The following YJU2B variants were observed in gnomAD, a reference collection of about 807,000 sequenced individuals.
YJU2B encodes probable splicing factor YJU2B.
A neutral mutation model predicts 38.0 loss-of-function variants in YJU2B; 18 were observed. The observed-to-expected ratio is 0.47, with a 90% CI of 0.33 to 0.70. The LOEUF (loss-of-function observed/expected upper bound fraction) is 0.70, where lower values mean the gene tolerates loss of function less well. YJU2B is among the 30% of genes least tolerant of loss of function. The pLI is 0.02. For synonymous variants in YJU2B, 246 were observed against 225.4 expected, an observed-to-expected ratio of 1.09 and a Z score of -0.82; for missense variants, 538 against 556.3, an observed-to-expected ratio of 0.97 and a Z score of 0.33.
At chr19:13,759,318 C>A in intron 8 of YJU2B, 46 bp downstream of exon 8, 1 of 1,501,668 alleles carries the variant, frequency 6.7e-7, no homozygotes, top group Non-Finnish European at 9.0e-7. Context: ...CATGGTGGAC[C>A]AAGGCCCGGG....
rs1234323969 is a variant in YJU2B, at chr19:13,750,731, G to A, written c.-201-877G>A. ...AAAAAAATTAGCCAGGCTTGGTGGCGGGTACCTGTAATCCCAGCTACTCAG... is the reference window on the plus strand; with the variant it reads ...AAAAAAATTAGCCAGGCTTGGTGGCAGGTACCTGTAATCCCAGCTACTCAG... On this transcript the variant is annotated intron_variant, in intron 1 of 9. Transcript: ENST00000221554. 4.6e-5 allele frequency among the ~76,000 whole-genome samples: 7 copies of A among 151,756 alleles called. 1 individual carries two copies. The highest frequency in any genetic ancestry group is 2.1e-4 in the South Asian group (1 of 4,822).
At chr19:13,739,240 G>A (rs949208638) in intron 2 of YJU2B, among the ~76,000 whole-genome samples, 4 of 151,844 alleles carry the variant, frequency 2.6e-5, no homozygotes, top group African/African-American at 9.7e-5. Flanking sequence ...CAAACACCTG[G>A]GCTCAAGCAA....
chr19:13,737,971 T>C, intron 2 of YJU2B, among the ~76,000 whole-genome samples: 1 of 152,124 alleles, frequency 6.6e-6, no homozygotes, highest in Non-Finnish European at 1.5e-5. Flanking sequence ...ATCAGAATGA[T>C]CACTCTTCTG....
upstream of YJU2B, among the ~76,000 whole-genome samples, chr19:13,747,498 C>CT (rs1458670518): frequency 6.6e-6 from 1 of 152,192 alleles, no homozygotes; most frequent in Non-Finnish European, 1.5e-5. Flanking sequence ...GAGACGGAGT[C>CT]TTGCTGTTGT....
At chr19:13,744,413 G>A (rs1973176267), upstream of YJU2B, among the ~76,000 whole-genome samples, 1 of 152,132 alleles carries the variant, frequency 6.6e-6, no homozygotes, top group Non-Finnish European at 1.5e-5. Context: ...ACAATTCAGG[G>A]ACATATGTTA....
At chr19:13,751,295 G>T (rs535936816) in intron 1 of YJU2B, among the ~76,000 whole-genome samples, 3 of 152,018 alleles carry the variant, frequency 2.0e-5, no homozygotes, top group Non-Finnish European at 2.9e-5. Flanking sequence ...CACGCTTGTA[G>T]TCCCAGCTAC....
At chr19:13,750,234 G>GT (rs761453698) in intron 1 of YJU2B, among the ~76,000 whole-genome samples, 111 of 151,328 alleles carry the variant, frequency 7.3e-4, no homozygotes, top group Non-Finnish European at 9.3e-4. Flanking sequence ...GGTTTTTTTT[G>GT]TTTGTTTGTT....
chr19:13,748,672 G>A (rs1188662951), intron 1 of YJU2B, among the ~76,000 whole-genome samples: 2 of 152,114 alleles, frequency 1.3e-5, no homozygotes, highest in African/African-American at 2.4e-5. Flanking sequence ...CAGTCTTGTC[G>A]TCGTCATTCG....
rs932251989 is a variant in YJU2B, at chr19:13,756,372, G to A, written c.140+93G>A. ...GTGCCCTCATTGGCCCAGTGCTGCA[G>A]GGTCTTCATTCCATAAAGCAGAAAG... On this transcript the variant is annotated intron_variant, in intron 4 of 9. Coordinates refer to ENST00000221554, the MANE Select transcript of YJU2B (RefSeq NM_030818.4). 4.2e-6 allele frequency: 4 copies of A among 943,698 alleles called. No individual in the cohort carries two copies. In the Admixed American group the frequency reaches 7.3e-5, roughly 17 times the overall value. The allele number at this position is 943,698 out of a possible 1,614,324, so 58.5% of individuals were successfully genotyped here.
upstream of YJU2B, among the ~76,000 whole-genome samples, chr19:13,747,613 G>A (rs1973288851): frequency 2.0e-5 from 3 of 152,278 alleles, no homozygotes; most frequent in Non-Finnish European, 4.4e-5. Context: ...TGGGACTACA[G>A]GGGCCCGCCA....
At chr19:13,733,783 A>G (rs970275003) in intron 2 of YJU2B, among the ~76,000 whole-genome samples, 1 of 152,188 alleles carries the variant, frequency 6.6e-6, no homozygotes, top group Non-Finnish European at 1.5e-5. Flanking sequence ...ATTTGTCACA[A>G]CCAAAAATGT....
intron 2 of YJU2B, among the ~76,000 whole-genome samples, chr19:13,740,385 G>T (rs374300): frequency 6.6e-6 from 1 of 151,556 alleles, no homozygotes; most frequent in Non-Finnish European, 1.5e-5. Context: ...CTAATTTTTT[G>T]TTTTTTGTAG....
intron 2 of YJU2B, among the ~76,000 whole-genome samples, chr19:13,737,263 G>A (rs1972975478): frequency 6.6e-6 from 1 of 152,016 alleles, no homozygotes; most frequent in African/African-American, 2.4e-5. Flanking sequence ...GGGCTCAAGG[G>A]ATCCTCCCAC....
upstream of YJU2B, among the ~76,000 whole-genome samples, chr19:13,743,401 G>A (rs544289522): frequency 6.6e-5 from 10 of 150,856 alleles, no homozygotes; most frequent in South Asian, 4.2e-4. Context: ...CCAACATGAC[G>A]AAGCCCTGTC....
At chr19:13,744,660 C>T (rs1973181244), upstream of YJU2B, among the ~76,000 whole-genome samples, 1 of 152,174 alleles carries the variant, frequency 6.6e-6, no homozygotes, top group Non-Finnish European at 1.5e-5. Flanking sequence ...CTGACCCTCA[C>T]TCCAGCCCAT....
At chr19:13,749,094 C>T (rs1352345385) in intron 1 of YJU2B, among the ~76,000 whole-genome samples, 9 of 152,200 alleles carry the variant, frequency 5.9e-5, no homozygotes, top group Admixed American at 6.5e-5. Context: ...ACCTCCGCCT[C>T]CCAGATTCAA....
rs1335005743 is a variant in YJU2B, at chr19:13,757,430, A to G, written c.153A>G (p.Pro51=). The G allele has an allele frequency of 3.7e-6, 6 of 1,613,932 alleles. No homozygotes were observed. Among genetic ancestry groups the G allele is most frequent in the African/African-American group, 2.7e-5 (2 of 74,926 alleles). ...TCTGTCTTTGCAGATTCGAAATGCC[A>G]TATAACATCTGGTGCGATGGCTGCA... ...QGILIIRFEM[P]YNIWCDGCKN... Residue 51 remains proline, a synonymous_variant, in exon 5 of 10, where the codon CCA becomes CCG. Coordinates refer to ENST00000221554, the MANE Select transcript of YJU2B (RefSeq NM_030818.4).
At chr19:13,744,047 T>C (rs1029427203), upstream of YJU2B, among the ~76,000 whole-genome samples, 1 of 150,662 alleles carries the variant, frequency 6.6e-6, no homozygotes, top group Non-Finnish European at 1.5e-5. Flanking sequence ...AAAAATTAGC[T>C]GGGCATGGTG....
chr19:13,752,928 G>A (rs1973525729), intron 2 of YJU2B, among the ~76,000 whole-genome samples: 3 of 145,662 alleles, frequency 2.1e-5, no homozygotes, highest in South Asian at 5.1e-4. Context: ...AAAAAAAGAA[G>A]AAAACAAGAG....
Sources: gnomAD v4.1 joint callset for allele counts (sites outside exome capture counted in the v4.1 genomes callset) on GRCh38, gnomAD v4.1.1 for gene constraint, MANE v1.5 for transcripts, NCBI Gene and HGNC (gene_info 2026-07-23, HGNC 2026-07-21) for gene names.